KAZN: variants seen among roughly 807,000 people sequenced by gnomAD.
The protein encoded by KAZN is kazrin, periplakin interacting protein, also known as kazrin.
A neutral mutation model predicts 87.4 loss-of-function variants in KAZN; 40 were observed. That is an observed-to-expected ratio of 0.46 (90% CI 0.36 to 0.60). The LOEUF (loss-of-function observed/expected upper bound fraction) is 0.60. Ranked by LOEUF, KAZN falls within the 20% of genes least tolerant of loss-of-function variation. The pLI, the probability that KAZN is intolerant of heterozygous loss-of-function variation, is 0.00. For synonymous variants in KAZN, 466 were observed against 458.3 expected, an observed-to-expected ratio of 1.02 and a Z score of -0.22; for missense variants, 898 against 1,073.9, an observed-to-expected ratio of 0.84 and a Z score of 2.29.
At chr1:14,611,422 G>A (rs1045861665) in intron 1 of KAZN, among the ~76,000 whole-genome samples, 5 of 152,198 alleles carry the variant, frequency 3.3e-5, no homozygotes, top group Non-Finnish European at 7.3e-5. Context: ...GTTTGTATTA[G>A]AATGAAATGC....
intron 1 of KAZN, among the ~76,000 whole-genome samples, chr1:14,638,895 G>C (rs1354696008): frequency 6.6e-6 from 1 of 152,070 alleles, no homozygotes; most frequent in African/African-American, 2.4e-5. Context: ...ATCCTCAGCC[G>C]GCAGCCCATC....
chr1:14,975,957 G>A (rs950978465), intron 2 of KAZN, among the ~76,000 whole-genome samples: 4 of 151,332 alleles, frequency 2.6e-5, no homozygotes, highest in Admixed American at 1.3e-4. Context: ...GCGCGAACCC[G>A]GGAGGCGGAG....
intron 2 of KAZN, among the ~76,000 whole-genome samples, chr1:14,219,591 A>G (rs942343583): frequency 2.6e-5 from 4 of 152,202 alleles, no homozygotes; most frequent in Non-Finnish European, 5.9e-5. Flanking sequence ...TTTCATGAAT[A>G]ACCAACTCTT....
intron 8 of KAZN, chr1:15,067,306 A>T: frequency 1.0e-6 from 1 of 985,518 alleles, no homozygotes; most frequent in Non-Finnish European, 1.2e-6. Context: ...CCAACTTGTC[A>T]CAGCAGCCTG....
At chr1:14,567,416 G>C (rs994606306) in intron 2 of KAZN, among the ~76,000 whole-genome samples, 1 of 152,168 alleles carries the variant, frequency 6.6e-6, no homozygotes, top group Non-Finnish European at 1.5e-5. Context: ...AAAGTTTGAA[G>C]TATTGCAAAA....
At chr1:14,906,177 T>TATA (rs869163308) in intron 1 of KAZN, among the ~76,000 whole-genome samples, 639 of 33,458 alleles carry the variant, frequency 0.019, 4 homozygotes, top group East Asian at 0.14. Context: ...AAAAATATAT[T>TATA]ATAATAATAA....
At chr1:14,860,648 T>G (rs767428163) in intron 1 of KAZN, among the ~76,000 whole-genome samples, 15 of 152,128 alleles carry the variant, frequency 9.9e-5, no homozygotes, top group Non-Finnish European at 1.9e-4. Context: ...TGAAAGAAAA[T>G]CGGTATTTTC....
intron 1 of KAZN, among the ~76,000 whole-genome samples, chr1:14,738,732 T>C (rs1643991567): frequency 1.3e-5 from 2 of 152,056 alleles, no homozygotes; most frequent in African/African-American, 2.4e-5. Context: ...CAAAGAGGTT[T>C]ATGTACTGGA....
At chr1:14,639,524 T>C (rs1445766432) in intron 1 of KAZN, among the ~76,000 whole-genome samples, 1 of 152,172 alleles carries the variant, frequency 6.6e-6, no homozygotes, top group African/African-American at 2.4e-5. Flanking sequence ...GCAGTATAAA[T>C]GCCCTATGGA....
At chr1:14,646,034 A>T (rs1040712048) in intron 1 of KAZN, among the ~76,000 whole-genome samples, 1 of 152,110 alleles carries the variant, frequency 6.6e-6, no homozygotes, top group Non-Finnish European at 1.5e-5. Flanking sequence ...TGTATATGGC[A>T]TTCTTAATAA....
intron 2 of KAZN, among the ~76,000 whole-genome samples, chr1:14,399,720 C>T (rs1336544685): frequency 6.6e-6 from 1 of 152,118 alleles, no homozygotes; most frequent in East Asian, 1.9e-4. Context: ...CCACATGCTG[C>T]TCTGCTCTGA....
At chr1:14,208,300 A>G (rs181152065) in intron 2 of KAZN, among the ~76,000 whole-genome samples, 141 of 152,372 alleles carry the variant, frequency 9.3e-4, no homozygotes, top group South Asian at 3.3e-3. Flanking sequence ...TATTTCTCAT[A>G]TAAACATATA....
intron 1 of KAZN, among the ~76,000 whole-genome samples, chr1:14,805,562 C>T (rs574898075): frequency 2.0e-5 from 3 of 152,132 alleles, no homozygotes; most frequent in African/African-American, 7.2e-5. Flanking sequence ...AGTTCGAGAC[C>T]AGCCTGACCA....
At chr1:14,382,798 T>C (rs1446083717) in intron 2 of KAZN, among the ~76,000 whole-genome samples, 1 of 151,282 alleles carries the variant, frequency 6.6e-6, no homozygotes, top group Non-Finnish European at 1.5e-5. Context: ...TGTGTCTTTA[T>C]AGCAGCATGA....
intron 2 of KAZN, among the ~76,000 whole-genome samples, chr1:14,491,252 T>A (rs1571780666): frequency 6.6e-6 from 1 of 152,206 alleles, no homozygotes; most frequent in Admixed American, 6.5e-5. Flanking sequence ...TGATAGTTAA[T>A]CCACCTACTT....
intron 4 of KAZN, among the ~76,000 whole-genome samples, chr1:15,052,460 T>C (rs1163401407): frequency 6.6e-6 from 1 of 152,108 alleles, no homozygotes; most frequent in Non-Finnish European, 1.5e-5. Flanking sequence ...GTCCCTCCCA[T>C]GACACGTGGG....
intron 2 of KAZN, among the ~76,000 whole-genome samples, chr1:14,299,670 C>T (rs897114523): frequency 1.3e-5 from 2 of 152,214 alleles, no homozygotes; most frequent in Admixed American, 6.5e-5. Flanking sequence ...ACAGATCACA[C>T]TCACTCTGTA....
chr1:14,935,847 T>G (rs1177844884), intron 1 of KAZN, among the ~76,000 whole-genome samples: 1 of 152,152 alleles, frequency 6.6e-6, no homozygotes, highest in Non-Finnish European at 1.5e-5. Flanking sequence ...GGGACAGCCC[T>G]AATGGTGATG....
intron 2 of KAZN, among the ~76,000 whole-genome samples, chr1:14,204,915 A>G (rs555992194): frequency 1.3e-5 from 2 of 152,376 alleles, no homozygotes; most frequent in South Asian, 4.1e-4. Flanking sequence ...GCTGTCAGAG[A>G]TAAACTGAAA....
Sources: gnomAD v4.1 joint callset for allele counts (sites outside exome capture counted in the v4.1 genomes callset) on GRCh38, gnomAD v4.1.1 for gene constraint, MANE v1.5 for transcripts, NCBI Gene and HGNC (gene_info 2026-07-23, HGNC 2026-07-21) for gene names.